Variants in WNK2 observed in about 807,000 individuals in gnomAD.
The protein encoded by WNK2 is serine/threonine-protein kinase WNK2.
WNK2 carries 67 observed loss-of-function variants against 192.1 expected under a neutral mutation model. That is an observed-to-expected ratio of 0.35 (90% CI 0.29 to 0.43). WNK2 has a LOEUF of 0.43. WNK2 is among the 20% of genes least tolerant of loss of function. WNK2 has a pLI of 1.00. For missense variants in WNK2, 2,698 were observed against 3,089.7 expected (o/e 0.87, Z 3.01); for synonymous variants, 1,439 against 1,393.9 (o/e 1.03, Z -0.72).
At chr9:93,270,049 G>A (rs4744208) in intron 19 of WNK2, among the ~76,000 whole-genome samples, 49,398 of 152,136 alleles carry the variant, frequency 0.32, 8,209 homozygotes, top group South Asian at 0.52. Flanking sequence ...TCCCATTCCT[G>A]CAGGGGTGGC....
At chr9:93,241,968 TCTTGGCACG>T (rs1172129885) in intron 7 of WNK2, among the ~76,000 whole-genome samples, 1 of 151,952 alleles carries the variant, frequency 6.6e-6, no homozygotes, top group Non-Finnish European at 1.5e-5. Context: ...CCTGCTGGGG[TCTTGGCACG>T]CTTCCTGCTG....
At chr9:93,188,250 C>T (rs1236813800) in intron 2 of WNK2, among the ~76,000 whole-genome samples, 2 of 152,154 alleles carry the variant, frequency 1.3e-5, no homozygotes, top group African/African-American at 4.8e-5. Flanking sequence ...TGGGGGGCCT[C>T]CCTGGAGAAC....
chr9:93,198,899 C>A (rs1225702850), intron 2 of WNK2, among the ~76,000 whole-genome samples: 2 of 152,196 alleles, frequency 1.3e-5, no homozygotes, highest in African/African-American at 4.8e-5. Context: ...TTGAGCTGGG[C>A]AGCTTTGGTG....
Position 93,262,124 on chromosome 9 carries a change from C to T in WNK2, c.3360+17C>T. 6.4e-7 allele frequency: 1 copy of T among 1,561,204 alleles called. No individual in the cohort carries two copies. The highest frequency in any genetic ancestry group is 2.3e-5 in the East Asian group (1 of 44,072). ...GTCCAAGAGGTGTGTGCCCCTCCCC[C>T]CAGCCTGTCCCATGACTGGGCAGTT... On this transcript the variant is annotated intron_variant, in intron 13 of 29. Transcript: ENST00000427277.
chr9:93,184,747 A>C (rs1472124189), intron 1 of WNK2, among the ~76,000 whole-genome samples, 181 bp from the exon 2 acceptor site: 3 of 151,564 alleles, frequency 2.0e-5, no homozygotes, highest in Non-Finnish European at 4.4e-5. Context: ...TCCCCAACCC[A>C]AGCCTCTGGT....
chr9:93,224,444 C>A (rs941323781), intron 2 of WNK2, among the ~76,000 whole-genome samples: 1 of 152,146 alleles, frequency 6.6e-6, no homozygotes, highest in Non-Finnish European at 1.5e-5. Flanking sequence ...CGAAGGCAAC[C>A]CCTGATGTGT....
At chr9:93,192,479 G>A (rs1023045582) in intron 2 of WNK2, among the ~76,000 whole-genome samples, 16 of 152,088 alleles carry the variant, frequency 1.1e-4, no homozygotes, top group African/African-American at 3.6e-4. Context: ...TTTGTAGGTG[G>A]CCAAGGGTGG....
rs772358348 is a variant in WNK2, at chr9:93,234,872, T to C, written c.1140T>C (p.Tyr380=). 6.2e-7 allele frequency: 1 copy of C among 1,614,230 alleles called. No individual in the cohort carries two copies. Among genetic ancestry groups the C allele is most frequent in the Admixed American group, 1.7e-5 (1 of 60,030 alleles). ...EEHYDESVDV[Y]AFGMCMLEMA... is the part of the protein sequence containing the mutation. ...ACTACGATGAGTCCGTGGACGTCTATGCCTTTGGGATGTGCATGCTGGAGA... is the reference window on the plus strand; with the variant it reads ...ACTACGATGAGTCCGTGGACGTCTACGCCTTTGGGATGTGCATGCTGGAGA... Residue 380 remains tyrosine (Y), a synonymous_variant, in exon 5 of 30, where the codon TAT becomes TAC. Coordinates refer to ENST00000427277, the MANE Select transcript of WNK2 (RefSeq NM_006648.4).
Position 93,293,072 on chromosome 9 carries a change from C to T in WNK2, c.5607C>T (p.Ser1869=), listed in dbSNP as rs373377473. ...SRVGMKVPTI[S]VTSFHSQSSY... ...TGGGCATGAAGGTCCCCACGATCAGCGTGACCTCCTTCCATTCCCAGTCGT... is the reference window on the plus strand; with the variant it reads ...TGGGCATGAAGGTCCCCACGATCAGTGTGACCTCCTTCCATTCCCAGTCGT... The change falls in exon 23 of 30, where the codon AGC becomes AGT. Residue 1869 remains serine (S), a synonymous_variant. Transcript: ENST00000427277. The T allele has an allele frequency of 3.1e-6, 5 of 1,609,906 alleles. No homozygotes were observed. The African/African-American group carries it at 4.0e-5, about 13-fold the overall frequency.
chr9:93,299,704 C>A (rs1018567575), intron 25 of WNK2, among the ~76,000 whole-genome samples: 21 of 152,102 alleles, frequency 1.4e-4, no homozygotes, highest in Non-Finnish European at 2.8e-4. Flanking sequence ...GGGAGTTTGG[C>A]CTTGAGGAGG....
rs533558325 is a variant in WNK2, at chr9:93,209,381, C to T, written c.682-20315C>T. On this transcript the variant is annotated intron_variant, in intron 2 of 29. Coordinates refer to ENST00000427277, the MANE Select transcript of WNK2 (RefSeq NM_006648.4). Reference sequence around the variant, plus strand: ...GACAGCTGTGGGCTGGGGCTGCTTGCTCTCCATTGGGGTGACACATGGAAC... The same window carrying T: ...GACAGCTGTGGGCTGGGGCTGCTTGTTCTCCATTGGGGTGACACATGGAAC... Among the ~76,000 whole-genome samples, 5 of 152,316 alleles carry T rather than the reference C, an allele frequency of 3.3e-5. No homozygotes were observed. The South Asian group carries it at 1.0e-3, about 32-fold the overall frequency.
intron 5 of WNK2, among the ~76,000 whole-genome samples, chr9:93,237,848 C>T (rs920829935): frequency 6.7e-6 from 1 of 148,226 alleles, no homozygotes; most frequent in Non-Finnish European, 1.5e-5. Context: ...GGTGCAGATA[C>T]TTGGGGCTCT....
chr9:93,247,310 G>A lies in WNK2; in HGVS notation c.1543-233G>A, dbSNP rs1371057359. ...GCTGGTCTGCTTTGCTCTTGCTGTGGACTCTGCGGGATGCAGGTCAGGCCT... is the reference window on the plus strand; with the variant it reads ...GCTGGTCTGCTTTGCTCTTGCTGTGAACTCTGCGGGATGCAGGTCAGGCCT... On this transcript the variant is annotated intron_variant, in intron 7 of 29. Coordinates refer to ENST00000427277, the MANE Select transcript of WNK2 (RefSeq NM_006648.4). This position sits in a 1 kb window ranked among gnomAD's most constrained non-coding sequence, Gnocchi z 5.2. Among the ~76,000 whole-genome samples the A allele has an allele frequency of 6.6e-6, 1 of 152,236 alleles. No homozygotes were observed. The highest frequency in any genetic ancestry group is 1.5e-5 in the Non-Finnish European group (1 of 68,036).
intron 2 of WNK2, among the ~76,000 whole-genome samples, chr9:93,218,418 GC>G (rs1448269254): frequency 6.6e-6 from 1 of 152,178 alleles, no homozygotes; most frequent in Non-Finnish European, 1.5e-5. Flanking sequence ...TGCAGGGGTG[GC>G]CGCCTGGCCT....
intron 2 of WNK2, among the ~76,000 whole-genome samples, chr9:93,208,720 C>CTTTGTGTGTG (rs1833886510): frequency 9.0e-4 from 1 of 1,114 alleles, no homozygotes; most frequent in Admixed American, 9.6e-3. Context: ...TGTGTATGCT[C>CTTTGTGTGTG]TTCGTGCGTG....
chr9:93,245,570 C>T (rs375530171), intron 7 of WNK2, among the ~76,000 whole-genome samples: 404 of 152,326 alleles, frequency 2.7e-3, no homozygotes, highest in African/African-American at 9.1e-3. Flanking sequence ...TGGTGCACGG[C>T]GCCTGTGGCT....
intron 28 of WNK2, among the ~76,000 whole-genome samples, chr9:93,309,742 C>A (rs1282390274): frequency 6.6e-6 from 1 of 152,028 alleles, no homozygotes; most frequent in Non-Finnish European, 1.5e-5. Flanking sequence ...TTATTTCTTG[C>A]CTTCTATCTT....
intron 19 of WNK2, among the ~76,000 whole-genome samples, chr9:93,282,275 G>A (rs1198304266): frequency 1.6e-5 from 2 of 121,278 alleles, no homozygotes; most frequent in Non-Finnish European, 3.5e-5. Flanking sequence ...TCGTAGAATA[G>A]CAGATAACCT....
intron 20 of WNK2, among the ~76,000 whole-genome samples, 157 bp from the exon 21 acceptor site, chr9:93,289,821 G>A (rs770235547): frequency 6.6e-6 from 1 of 152,242 alleles, no homozygotes; most frequent in Non-Finnish European, 1.5e-5. Context: ...GGTCATGCTT[G>A]TGCAGCGTCA....
Sources: gnomAD v4.1 joint callset for allele counts (sites outside exome capture counted in the v4.1 genomes callset) on GRCh38, gnomAD v4.1.1 for gene constraint, Gnocchi (gnomAD v3.1) non-coding constraint, MANE v1.5 for transcripts, NCBI Gene and HGNC (gene_info 2026-07-23, HGNC 2026-07-21) for gene names.